Variants in SYNE1 observed in about 807,000 individuals in gnomAD.
SYNE1 encodes the protein nesprin-1.
In SYNE1, 616 loss-of-function variants were observed where a neutral mutation model predicts 1,111.0. The observed-to-expected ratio is 0.55, with a 90% confidence interval of 0.52 to 0.59. The LOEUF (loss-of-function observed/expected upper bound fraction) is 0.59. Among genes scored for constraint, SYNE1 ranks in the 20% least tolerant of loss-of-function variants. SYNE1 has a pLI of 0.00. For synonymous variants in SYNE1, 3,855 were observed against 3,825.8 expected (o/e 1.01, Z -0.28); for missense variants, 10,006 against 10,417.0 (o/e 0.96, Z 1.72).
Position 152,310,810 on chromosome 6 carries a change from A to C in SYNE1, c.16774T>G (p.Tyr5592Asp), listed in dbSNP as rs1431963054. The C allele has an allele frequency of 6.2e-7, 1 of 1,614,142 alleles. No homozygotes were observed. Among genetic ancestry groups the C allele is most frequent in the Non-Finnish European group, 8.5e-7 (1 of 1,180,032 alleles). ...ELEAMTEKLQ[Y>D]LTSVYCTEKM... is the part of the protein sequence containing the mutation. ...TCTGTACAGTACACGCTAGTGAGGT[A>C]CTGTAATTTCTCAGTCATTGCTTCC... The change falls in exon 88 of 146, where the codon TAC (tyrosine) becomes GAC (aspartate). Residue 5592 changes from tyrosine to aspartate, a missense_variant. Physicochemically the swap from Tyr to Asp is radical, Grantham distance 160 (BLOSUM62 -3). This residue lies in a region of SYNE1 where 4,955 missense variants were observed against 5,017.2 expected (regional missense o/e 0.99). Transcript: ENST00000367255.
intron 143 of SYNE1, among the ~76,000 whole-genome samples, 153 bp from the exon 144 acceptor site, chr6:152,132,367 G>A (rs1311192980): frequency 6.6e-6 from 1 of 152,194 alleles, no homozygotes; most frequent in Non-Finnish European, 1.5e-5. Context: ...AACCAGACAG[G>A]TACAAGAATA....
At chr6:152,506,203 T>C (rs1183522900) in intron 8 of SYNE1, among the ~76,000 whole-genome samples, 4 of 152,142 alleles carry the variant, frequency 2.6e-5, no homozygotes, top group Non-Finnish European at 5.9e-5. Flanking sequence ...AAGCTCACAA[T>C]GAATGATTTT....
intron 43 of SYNE1, 23 bp from the exon 44 acceptor site, chr6:152,409,249 T>A: frequency 6.2e-7 from 1 of 1,609,620 alleles, no homozygotes; most frequent in South Asian, 1.1e-5. Flanking sequence ...GATTTCTTAA[T>A]TAATAAAATA....
chr6:152,154,660 T>C (rs1270048646), intron 133 of SYNE1, among the ~76,000 whole-genome samples: 1 of 152,190 alleles, frequency 6.6e-6, no homozygotes, highest in African/African-American at 2.4e-5. Context: ...AGAATCTCTC[T>C]TCATTACTAC....
intron 59 of SYNE1, among the ~76,000 whole-genome samples, chr6:152,371,236 G>C (rs139471602): frequency 0.021 from 3,255 of 152,078 alleles, 130 homozygotes; most frequent in African/African-American, 0.076. Context: ...CCAATGGGAG[G>C]TAATTGAATC....
chr6:152,464,071 A>G (rs1273025901), intron 18 of SYNE1, among the ~76,000 whole-genome samples: 1 of 152,192 alleles, frequency 6.6e-6, no homozygotes, highest in African/African-American at 2.4e-5. Flanking sequence ...AGTGTAGTAC[A>G]TTAAGATAAT....
chr6:152,472,509 T>C, intron 14 of SYNE1, 96 bp from the exon 15 acceptor site: 1 of 1,132,448 alleles, frequency 8.8e-7, no homozygotes, highest in Non-Finnish European at 1.3e-6. Flanking sequence ...AGTCAATGTA[T>C]TCAACAATTT....
chr6:152,438,082 A>C (rs964366769), intron 32 of SYNE1, among the ~76,000 whole-genome samples: 4 of 152,178 alleles, frequency 2.6e-5, no homozygotes, highest in Admixed American at 2.6e-4. Context: ...ATAAAAATGA[A>C]TAAGTACAGC....
intron 73 of SYNE1, 105 bp downstream of exon 73, chr6:152,346,954 C>G: frequency 2.1e-6 from 3 of 1,406,394 alleles, no homozygotes; most frequent in East Asian, 4.7e-5. Context: ...CACACCAAAA[C>G]GAATCCAAAG....
intron 100 of SYNE1, among the ~76,000 whole-genome samples, chr6:152,263,388 C>G (rs929730273): frequency 6.6e-6 from 1 of 151,778 alleles, no homozygotes; most frequent in Non-Finnish European, 1.5e-5. Context: ...TGGTATGGCT[C>G]TTATTTATTT....
chr6:152,532,235 A>G (rs970420864), intron 4 of SYNE1, among the ~76,000 whole-genome samples: 4 of 152,186 alleles, frequency 2.6e-5, no homozygotes, highest in African/African-American at 9.6e-5. Flanking sequence ...GTAGATTTTC[A>G]GTATTAATAA....
intron 3 of SYNE1, among the ~76,000 whole-genome samples, chr6:152,603,883 T>C (rs1306072178): frequency 1.4e-5 from 2 of 146,988 alleles, no homozygotes; most frequent in Admixed American, 1.4e-4. Flanking sequence ...TATCTATCTA[T>C]ACATGCATGT....
chr6:152,558,601 T>A (rs1468484411), intron 3 of SYNE1, among the ~76,000 whole-genome samples: 1 of 152,134 alleles, frequency 6.6e-6, no homozygotes, highest in African/African-American at 2.4e-5. Flanking sequence ...ACAAAGAAGA[T>A]CATTATATAA....
At chr6:152,519,881 A>C (rs2099130414) in intron 6 of SYNE1, among the ~76,000 whole-genome samples, 1 of 152,160 alleles carries the variant, frequency 6.6e-6, no homozygotes, top group Non-Finnish European at 1.5e-5. Flanking sequence ...TACATTTACT[A>C]ATATGGTGCA....
intron 121 of SYNE1, 72 bp from the exon 122 acceptor site, chr6:152,215,132 GA>G: frequency 6.4e-7 from 1 of 1,556,866 alleles, no homozygotes; most frequent in African/African-American, 1.4e-5. Context: ...AGTGCGCAGT[GA>G]ATTTCTGATT....
chr6:152,206,145 C>T (rs570780650), intron 126 of SYNE1, 23 bp downstream of exon 126: 11 of 1,611,538 alleles, frequency 6.8e-6, no homozygotes, highest in East Asian at 2.2e-5. Context: ...TTTTTTGGTT[C>T]GTTTTTTTCT....
intron 81 of SYNE1, 38 bp from the exon 82 acceptor site, chr6:152,323,775 A>G: frequency 1.2e-6 from 2 of 1,611,284 alleles, no homozygotes; most frequent in Non-Finnish European, 1.7e-6. Flanking sequence ...TTCAATAATA[A>G]ATAAACTGAA....
chr6:152,563,860 T>C (rs2099402747), intron 3 of SYNE1, among the ~76,000 whole-genome samples: 1 of 152,200 alleles, frequency 6.6e-6, no homozygotes, highest in Non-Finnish European at 1.5e-5. Context: ...TTCCCAAATA[T>C]CTAATATTGC....
intron 56 of SYNE1, among the ~76,000 whole-genome samples, chr6:152,378,523 G>A (rs1033256163): frequency 2.0e-5 from 3 of 152,112 alleles, no homozygotes; most frequent in Non-Finnish European, 2.9e-5. Context: ...CTTTGCCTCT[G>A]CACGTTGACT....
Sources: gnomAD v4.1 joint callset for allele counts (sites outside exome capture counted in the v4.1 genomes callset) on GRCh38, gnomAD v4.1.1 for gene constraint, gnomAD v4.1.1 regional missense constraint, MANE v1.5 for transcripts, NCBI Gene and HGNC (gene_info 2026-07-23, HGNC 2026-07-21) for gene names.